The following FAM181A variants were observed in gnomAD, a reference collection of about 807,000 sequenced individuals.
The protein encoded by FAM181A is protein FAM181A.
Under a neutral mutation model 16.3 loss-of-function variants are expected in FAM181A, and 7 were observed. That is an observed-to-expected ratio of 0.43 (90% CI 0.24 to 0.81). FAM181A has a LOEUF of 0.81. FAM181A is among the 30% of genes least tolerant of loss of function. FAM181A has a pLI of 0.24. For synonymous variants in FAM181A, 183 were observed against 164.9 expected (o/e 1.11, Z -0.84); for missense variants, 349 against 377.5 (o/e 0.92, Z 0.63).
intron 1 of FAM181A, 140 bp downstream of exon 1, chr14:93,927,594 C>T (rs1347109864): frequency 1.6e-6 from 2 of 1,286,768 alleles, no homozygotes; most frequent in African/African-American, 1.5e-5. Context: ...CGGGGGAATC[C>T]CTGCTGCCCG....
At chr14:93,921,418 C>T (rs1887719426) in intron 1 of FAM181A, among the ~76,000 whole-genome samples, 1 of 152,208 alleles carries the variant, frequency 6.6e-6, no homozygotes, top group African/African-American at 2.4e-5. Context: ...GGCACAGCCA[C>T]ACCAGGCAAC....
upstream of FAM181A, among the ~76,000 whole-genome samples, chr14:93,925,616 G>A (rs558364673): frequency 6.6e-6 from 1 of 152,088 alleles, no homozygotes; most frequent in South Asian, 2.1e-4. Flanking sequence ...AAATGATGAT[G>A]GTTTGGCTCT....
chr14:93,924,497 A>T (rs1165072577), upstream of FAM181A, among the ~76,000 whole-genome samples: 1 of 152,232 alleles, frequency 6.6e-6, no homozygotes, highest in Non-Finnish European at 1.5e-5. Context: ...ACCTGCCTAT[A>T]TGGCCAATCA....
In FAM181A at chr14:93,929,265, C is replaced by T. The variant is rs1888063535; in HGVS notation, c.*101C>T. Reference sequence around the variant, plus strand: ...AGGTGGCTGGGCCACAGTGTGGCCTCTTCCGTTTGTGTGCGCATGGGAGTG... The same window carrying T: ...AGGTGGCTGGGCCACAGTGTGGCCTTTTCCGTTTGTGTGCGCATGGGAGTG... On this transcript the variant is annotated 3_prime_UTR_variant, in exon 2 of 2. Coordinates refer to ENST00000556222, the MANE Select transcript of FAM181A (RefSeq NM_001207073.2). 3.5e-6 allele frequency: 5 copies of T among 1,426,624 alleles called. No homozygotes were observed. Among genetic ancestry groups the T allele is most frequent in the African/African-American group, 2.8e-5 (2 of 70,350 alleles). The allele number at this position is 1,426,624 out of a possible 1,614,324, so 88.4% of individuals were successfully genotyped here. A position where few individuals can be genotyped will look rare whatever the true frequency, so the allele number is the denominator to read the frequency against.
chr14:93,925,006 T>G (rs1194081951), upstream of FAM181A: 1 of 493,398 alleles, frequency 2.0e-6, no homozygotes, highest in Non-Finnish European at 3.5e-6. Context: ...CCCTTTCCTT[T>G]CTCTCTTCCC....
chr14:93,929,344 C>A lies in FAM181A; in HGVS notation c.*180C>A. ...GGCAGTGACCCTTCAGCCTTGCAGC[C>A]TTGGAAGCTGGGAGGCTGGACCTGG... On this transcript the variant is annotated 3_prime_UTR_variant, in exon 2 of 2. Coordinates refer to ENST00000556222, the MANE Select transcript of FAM181A (RefSeq NM_001207073.2). The A allele has an allele frequency of 1.1e-6, 1 of 869,608 alleles. No homozygotes were observed. Among genetic ancestry groups the A allele is most frequent in the Non-Finnish European group, 1.6e-6 (1 of 625,750 alleles). 53.9% of individuals were successfully genotyped at this position (869,608 alleles called of 1,614,324 possible). A position where few individuals can be genotyped will look rare whatever the true frequency, so the allele number is the denominator to read the frequency against.
rs376935691 is a variant in FAM181A at position 93,921,912 on chromosome 14, A to C, written c.-225+2918A>C. 7 of 152,310 alleles carry C rather than the reference A, an allele frequency of 4.6e-5. 1 individual carries two copies. Among genetic ancestry groups the C allele is most frequent in the Admixed American group, 3.9e-4 (6 of 15,306 alleles). The allele number at this position is 152,310 out of a possible 1,614,324, so 9.4% of individuals were successfully genotyped here. A position where few individuals can be genotyped will look rare whatever the true frequency, so the allele number is the denominator to read the frequency against. The stretch of plus-strand genomic sequence containing the variant: ...TGTGCCTCAACTTCCTCATCCATTA[A>C]AGAGAGTAACCGTGGCAACTGGGAA... On this transcript the variant is annotated intron_variant, in intron 1 of 2. Coordinates refer to the FAM181A transcript ENST00000267594.
At chr14:93,925,146 T>TA, upstream of FAM181A, 1 of 831,704 alleles carries the variant, frequency 1.2e-6, no homozygotes, top group South Asian at 1.6e-5. Flanking sequence ...TGGGGAGGCT[T>TA]ACTACTGGCT....
In FAM181A at chr14:93,928,661, G is replaced by A; in HGVS notation, c.376G>A (p.Gly126Ser). The change falls in exon 2 of 2, where the codon GGC becomes AGC. Residue 126 changes from glycine (G) to serine (S), a missense_variant. Transcript: ENST00000556222. ...QRQHPEAAQP[G>S]QVPMRKRQLP... ...GCAGCATCCAGAAGCTGCCCAGCCTGGCCAGGTGCCCATGAGGAAAAGACA... is the reference window on the plus strand; with the variant it reads ...GCAGCATCCAGAAGCTGCCCAGCCTAGCCAGGTGCCCATGAGGAAAAGACA... The A allele has an allele frequency of 1.2e-6, 2 of 1,614,006 alleles. No homozygotes were observed. The highest frequency in any genetic ancestry group is 8.5e-7 in the Non-Finnish European group (1 of 1,179,992).
upstream of FAM181A, chr14:93,927,241 G>A (rs1022324286): frequency 2.0e-6 from 2 of 990,098 alleles, no homozygotes; most frequent in Non-Finnish European, 2.4e-6. Context: ...ACGGGGCGCC[G>A]CCGCCTGATT....
At chr14:93,920,744 C>T (rs937893476) in intron 1 of FAM181A, among the ~76,000 whole-genome samples, 3 of 152,170 alleles carry the variant, frequency 2.0e-5, no homozygotes, top group African/African-American at 7.2e-5. Context: ...TGGTGAAAGA[C>T]CAAAAGCTTT....
chr14:93,927,060 A>ACACACACACACACACACACACC (rs143090510), upstream of FAM181A: 1,799 of 154,044 alleles, frequency 0.012, 41 homozygotes, highest in Non-Finnish European at 0.014. Flanking sequence ...ACACACACAC[A>ACACACACACACACACACACACC]CCCCACCCCC....
chr14:93,923,527 T>TG (rs1887799907), upstream of FAM181A: 1 of 152,164 alleles, frequency 6.6e-6, no homozygotes, highest in South Asian at 2.1e-4. Flanking sequence ...CACTGATGAG[T>TG]GGGCAGGAGA....
chr14:93,925,788 C>A (rs1052016845), upstream of FAM181A, among the ~76,000 whole-genome samples: 2 of 151,988 alleles, frequency 1.3e-5, no homozygotes, highest in Admixed American at 1.3e-4. Context: ...CTTTCAAGGC[C>A]TAAATTGAGT....
chr14:93,928,999 C>A lies in FAM181A; in HGVS notation c.714C>A (p.Ser238Arg). Residue 238 changes from serine to arginine, a missense_variant, in exon 2 of 2, where the codon AGC (serine) becomes AGA (arginine). Transcript: ENST00000556222. ...CACTGCCTCAGAGTCCTGTCCCCAG[C>A]CTGGGCCTTTGGAGGAAGAGCCCAG... ...LGALPQSPVP[S>R]LGLWRKSPAF... is the part of the protein sequence containing the mutation. The A allele has an allele frequency of 6.2e-7, 1 of 1,610,766 alleles. No individual in the cohort carries two copies. The highest frequency in any genetic ancestry group is 1.7e-5 in the Admixed American group (1 of 59,834).
At chr14:93,928,105 G>A (rs1283614737) in intron 1 of FAM181A, 94 bp from the exon 2 acceptor site, 2 of 1,535,570 alleles carry the variant, frequency 1.3e-6, no homozygotes, top group Admixed American at 1.8e-5. Flanking sequence ...AGGTGCTGGG[G>A]TGGGGAGACT....
upstream of FAM181A, chr14:93,926,785 G>C (rs1450066333): frequency 6.6e-6 from 1 of 152,262 alleles, no homozygotes; most frequent in Non-Finnish European, 1.5e-5. This position sits in a 1 kb window ranked among gnomAD's most constrained non-coding sequence, Gnocchi z 5.2. Flanking sequence ...GGGGGATCCT[G>C]GCAGGGAGGG....
At chr14:93,927,832 G>A (rs1490256719) in intron 1 of FAM181A, among the ~76,000 whole-genome samples, 1 of 152,066 alleles carries the variant, frequency 6.6e-6, no homozygotes, top group Non-Finnish European at 1.5e-5. Flanking sequence ...TAAACACCTC[G>A]CTGGCAAGTT....
chr14:93,925,485 C>T (rs552426807), upstream of FAM181A: 942 of 928,346 alleles, frequency 1.0e-3, 3 homozygotes, highest in South Asian at 1.8e-3. Context: ...GCCCTCAGGG[C>T]GCTCTCTTCA....
Sources: gnomAD v4.1 joint callset for allele counts (sites outside exome capture counted in the v4.1 genomes callset) on GRCh38, gnomAD v4.1.1 for gene constraint, Gnocchi (gnomAD v3.1) non-coding constraint, MANE v1.5 for transcripts, NCBI Gene and HGNC (gene_info 2026-07-23, HGNC 2026-07-21) for gene names.